The following CD99 variants were observed in gnomAD, a reference collection of about 807,000 sequenced individuals.
CD99 encodes CD99 molecule (Xg blood group).
CD99 carries 19 observed loss-of-function variants against 28.4 expected under a neutral mutation model. The observed-to-expected ratio is 0.67, with a 90% CI of 0.47 to 0.98. The LOEUF (loss-of-function observed/expected upper bound fraction) is 0.98. Ranked by LOEUF, CD99 falls within the 50% of genes least tolerant of loss-of-function variation. The pLI is 0.00. For synonymous variants in CD99, 103 were observed against 92.1 expected (o/e 1.12, Z -0.67); for missense variants, 283 against 248.8 (o/e 1.14, Z -0.92).
At chrX:2,706,640 C>T (rs1316337948) in intron 1 of CD99, among the ~76,000 whole-genome samples, 1 of 151,988 alleles carries the variant, frequency 6.6e-6, no homozygotes, top group Non-Finnish European at 1.5e-5. Context: ...AGGCCAGTGG[C>T]GGGTCTTCAT....
At chrX:2,738,009 A>T (rs1235735658) in intron 8 of CD99, 191 bp from the exon 9 acceptor site, 2 of 724,180 alleles carry the variant, frequency 2.8e-6, no homozygotes, top group Non-Finnish European at 5.1e-6. Context: ...ATGAAAAAAT[A>T]CTGGCAAAGT....
At chrX:2,729,629 A>T (rs2267800) in intron 8 of CD99, among the ~76,000 whole-genome samples, 72,564 of 151,870 alleles carry the variant, frequency 0.48, 19,073 homozygotes, top group South Asian at 0.69. Context: ...CTGAAGACAC[A>T]CAAACTTGGG....
chrX:2,740,986 G>T lies in CD99; in HGVS notation c.*182G>T. 1 of 717,838 alleles carries T rather than the reference G, an allele frequency of 1.4e-6. No homozygotes were observed. The highest frequency in any genetic ancestry group is 1.8e-5 in the African/African-American group (1 of 57,054). The allele number at this position is 717,838 out of a possible 1,614,324, so 44.5% of individuals were successfully genotyped here. A position where few individuals can be genotyped will look rare whatever the true frequency, so the allele number is the denominator to read the frequency against. ...TGGGCGGATGATGTTTACTAACGAT[G>T]AATTTTACATCCAAAGGGGGATAGG... is the stretch of plus-strand genomic sequence containing the variant. On this transcript the variant is annotated 3_prime_UTR_variant, in exon 10 of 10. Transcript: ENST00000381192.
chrX:2,713,367 A>C (rs1206297281), intron 1 of CD99, among the ~76,000 whole-genome samples: 1 of 149,576 alleles, frequency 6.7e-6, no homozygotes. Flanking sequence ...CTTACACAAA[A>C]CACGCCTACA....
chrX:2,694,908 T>C (rs191543795), intron 1 of CD99, among the ~76,000 whole-genome samples: 74 of 152,294 alleles, frequency 4.9e-4, no homozygotes, highest in African/African-American at 1.4e-3. Flanking sequence ...GAAGGTCCTA[T>C]GGTGGGTACA....
At chrX:2,694,582 G>A (rs1056027573) in intron 1 of CD99, among the ~76,000 whole-genome samples, 7 of 152,008 alleles carry the variant, frequency 4.6e-5, no homozygotes, top group Non-Finnish European at 8.8e-5. Flanking sequence ...GCAAAACCCC[G>A]ACTCTACTAA....
rs764909515 is a variant in CD99, at chrX:2,723,324, C to T, written c.321C>T (p.Gly107=). The change falls in exon 7 of 10, where the codon GGC becomes GGT. Residue 107 remains glycine, a synonymous_variant. Transcript: ENST00000381192. The part of the protein sequence containing the change: ...DGVSGGEGKG[G]SDGGGSHRKE... ...GTTTTTGTCTTGCAGGAAAAGGAGGCAGTGATGGTGGAGGCAGCCACAGGA... is the reference window on the plus strand; with the variant it reads ...GTTTTTGTCTTGCAGGAAAAGGAGGTAGTGATGGTGGAGGCAGCCACAGGA... 1 of 1,613,908 alleles carries T rather than the reference C, an allele frequency of 6.2e-7. No homozygotes were observed. Among genetic ancestry groups the T allele is most frequent in the South Asian group, 1.1e-5 (1 of 91,068 alleles).
intron 8 of CD99, among the ~76,000 whole-genome samples, chrX:2,736,257 C>T (rs770489555): frequency 8.9e-4 from 134 of 150,188 alleles, no homozygotes; most frequent in African/African-American, 3.2e-3. Flanking sequence ...ACCATACAAA[C>T]GTGTTCCTTT....
rs187841367 is a variant in CD99, at chrX:2,695,046, T to C, written c.67+3619T>C. 1.2e-3 allele frequency among the ~76,000 whole-genome samples: 177 copies of C among 152,252 alleles called. 1 individual carries two copies. Among genetic ancestry groups the C allele is most frequent in the Non-Finnish European group, 2.3e-3 (155 of 68,008 alleles). ...ACTCAGATATCTTCCCCCGGGGAAA[T>C]AGACTTCTCAGTAGCCACGTGGACC... On this transcript the variant is annotated intron_variant, in intron 1 of 9. Transcript: ENST00000381192.
At chrX:2,714,298 A>T in intron 1 of CD99, 124 bp from the exon 2 acceptor site, 1 of 743,496 alleles carries the variant, frequency 1.3e-6, no homozygotes, top group Non-Finnish European at 2.2e-6. Flanking sequence ...CACCTTGTAA[A>T]TTTTTTTAAG....
chrX:2,708,160 C>T (rs1400513783), intron 1 of CD99, among the ~76,000 whole-genome samples: 1 of 151,570 alleles, frequency 6.6e-6, no homozygotes, highest in African/African-American at 2.4e-5. Flanking sequence ...CTCACACACA[C>T]CTGGGGAACT....
At chrX:2,706,803 G>A (rs192512373) in intron 1 of CD99, among the ~76,000 whole-genome samples, 48 of 152,090 alleles carry the variant, frequency 3.2e-4, no homozygotes, top group African/African-American at 1.1e-3. Context: ...TCTTGGAACT[G>A]CCTAATTTTT....
chrX:2,699,857 A>G (rs778263950), intron 1 of CD99, among the ~76,000 whole-genome samples: 1 of 152,216 alleles, frequency 6.6e-6, no homozygotes, highest in Non-Finnish European at 1.5e-5. Context: ...TCCCTCCTAC[A>G]TGAGATTTCC....
chrX:2,714,913 GCCC>G, intron 2 of CD99: 7 of 155,376 alleles, frequency 4.5e-5, no homozygotes. Flanking sequence ...AAAGCAAGAT[GCCC>G]TTGTTAAGAT....
At chrX:2,730,929 C>CAAA (rs4034603) in intron 8 of CD99, among the ~76,000 whole-genome samples, 55 of 106,164 alleles carry the variant, frequency 5.2e-4, no homozygotes, top group African/African-American at 1.7e-3. Context: ...GACTCTGTCT[C>CAAA]AAAAAAAAAA....
At chrX:2,727,023 G>A (rs2049324663) in intron 8 of CD99, among the ~76,000 whole-genome samples, 1 of 152,192 alleles carries the variant, frequency 6.6e-6, no homozygotes, top group Non-Finnish European at 1.5e-5. Context: ...TGTAGTCCCA[G>A]CTACTCGGAA....
chrX:2,725,939 C>CT (rs1228628801), intron 7 of CD99, among the ~76,000 whole-genome samples: 1 of 152,098 alleles, frequency 6.6e-6, no homozygotes, highest in Non-Finnish European at 1.5e-5. Flanking sequence ...CTGTCTTTGT[C>CT]TTTTTTTGTC....
chrX:2,735,690 G>T (rs144154460), intron 8 of CD99, among the ~76,000 whole-genome samples: 1 of 152,262 alleles, frequency 6.6e-6, no homozygotes, highest in South Asian at 2.1e-4. Flanking sequence ...AAATGCACCC[G>T]TGTTGACAAC....
rs1309682840 is a variant in CD99, at chrX:2,720,535, C to G, written c.262+111C>G. 11 of 946,790 alleles carry G rather than the reference C, an allele frequency of 1.2e-5. No individual in the cohort carries two copies. In the African/African-American group the frequency reaches 1.5e-4, roughly 13 times the overall value. 58.6% of individuals were successfully genotyped at this position (946,790 alleles called of 1,614,324 possible). On this transcript the variant is annotated intron_variant, in intron 5 of 9. Transcript: ENST00000381192. ...TGAGTGTGTGCTTACTGTTGACTGCCTGTGCAGTGTAATGCCCATGTTCAT... is the reference window on the plus strand; with the variant it reads ...TGAGTGTGTGCTTACTGTTGACTGCGTGTGCAGTGTAATGCCCATGTTCAT...
Sources: allele counts gnomAD v4.1 joint callset (sites outside exome capture counted in the v4.1 genomes callset), GRCh38; gene constraint gnomAD v4.1.1; transcripts MANE v1.5; gene names NCBI Gene and HGNC (gene_info 2026-07-23, HGNC 2026-07-21).